ADGRG4: variants seen among roughly 807,000 people sequenced by gnomAD.
The protein encoded by ADGRG4 is adhesion G protein-coupled receptor G4, also known as G protein-coupled receptor 112.
ADGRG4 carries 122 observed loss-of-function variants against 126.2 expected under a neutral mutation model. That is an observed-to-expected ratio of 0.97 (90% CI 0.83 to 1.12). The LOEUF is 1.12. Ranked by LOEUF, ADGRG4 falls within the 50% of genes most tolerant of loss-of-function variation. The pLI, the probability that ADGRG4 is intolerant of heterozygous loss-of-function variation, is 0.00. For missense variants in ADGRG4, 2,481 were observed against 2,251.8 expected (o/e 1.10, Z -2.06); for synonymous variants, 943 against 838.7 (o/e 1.12, Z -2.15).
intron 23 of ADGRG4, among the ~76,000 whole-genome samples, chrX:136,409,203 G>C (rs920377145): frequency 8.9e-6 from 1 of 111,883 alleles, no homozygotes; most frequent in Non-Finnish European, 1.9e-5. Context: ...CTGTGGTCAA[G>C]TGGGAAAAAA....
intron 15 of ADGRG4, among the ~76,000 whole-genome samples, chrX:136,379,527 C>T (rs2075246987): frequency 9.5e-6 from 1 of 105,093 alleles, no homozygotes; most frequent in African/African-American, 3.5e-5. Flanking sequence ...CCTCTCCTCT[C>T]CCTCCCTCTC....
intron 3 of ADGRG4, chrX:136,306,076 C>T (rs1461866736): frequency 9.0e-6 from 1 of 111,710 alleles, no homozygotes; most frequent in Non-Finnish European, 1.9e-5. Context: ...CTGTTTAGTA[C>T]TTCTTTCATT....
intron 15 of ADGRG4, among the ~76,000 whole-genome samples, chrX:136,379,481 C>G (rs963368699): frequency 3.8e-5 from 4 of 104,834 alleles, no homozygotes; most frequent in Non-Finnish European, 2.0e-5. Flanking sequence ...TCTTCTCCTT[C>G]CCTCCTTTCT....
At chrX:136,323,520 A>G (rs946334830) in intron 5 of ADGRG4, 128 bp downstream of exon 5, 1 of 532,615 alleles carries the variant, frequency 1.9e-6, no homozygotes, top group Non-Finnish European at 3.0e-6. Flanking sequence ...GTTTTCTTTT[A>G]TCTTTATTTT....
Position 136,361,530 on chromosome X carries a change from C to T in ADGRG4, c.7220C>T (p.Thr2407Met), listed in dbSNP as rs149125737. ...TATAAGTGGCTATTAACCAACCCTA[C>T]GGAGACAGCCCAAACCAGATGCATA... is the stretch of plus-strand genomic sequence containing the variant. The part of the protein sequence containing the change: ...GTYKWLLTNP[T>M]ETAQTRCIKN... The change falls in exon 12 of 26, where the codon ACG becomes ATG. Residue 2407 changes from threonine (T) to methionine (M), a missense_variant. Thr to Met is a moderately conservative substitution (Grantham distance 81). Transcript: ENST00000394143. 1.6e-3 allele frequency: 1,918 copies of T among 1,187,940 alleles called. 15 individuals are homozygous for T. The African/African-American group carries it at 0.026, about 16-fold the overall frequency.
intron 5 of ADGRG4, among the ~76,000 whole-genome samples, chrX:136,327,288 G>C (rs2074879171): frequency 9.0e-6 from 1 of 110,870 alleles, no homozygotes; most frequent in Non-Finnish European, 1.9e-5. Flanking sequence ...TTTAAAAAGG[G>C]ATGGCACTGG....
Position 136,405,755 on chromosome X carries a change from T to A in ADGRG4, c.8718T>A (p.Phe2906Leu), listed in dbSNP as rs758694247. Residue 2906 changes from phenylalanine (F) to leucine (L), a missense_variant, in exon 23 of 26, where the codon TTT becomes TTA. Physicochemically the swap from Phe to Leu is conservative, Grantham distance 22 (BLOSUM62 0). Transcript: ENST00000394143. ...ISVVAYFCLIFLMNLSMFCTV... is the reference protein window; with the variant it reads ...ISVVAYFCLILLMNLSMFCTV... Reference sequence around the variant, plus strand: ...TGGTGGCTTATTTTTGCCTCATATTTCTCATGAATCTCTCCATGTTCTGCA... The same window carrying A: ...TGGTGGCTTATTTTTGCCTCATATTACTCATGAATCTCTCCATGTTCTGCA... The A allele has an allele frequency of 8.4e-7, 1 of 1,196,050 alleles. No individual in the cohort carries two copies. The highest frequency in any genetic ancestry group is 1.1e-6 in the Non-Finnish European group (1 of 885,119).
intron 4 of ADGRG4, among the ~76,000 whole-genome samples, chrX:136,314,129 T>C (rs1305636013): frequency 9.0e-6 from 1 of 110,791 alleles, no homozygotes; most frequent in Non-Finnish European, 1.9e-5. Flanking sequence ...GCTTCCGCCA[T>C]GGGCTGAGCC....
chrX:136,366,477 G>A (rs1483186153), intron 13 of ADGRG4, among the ~76,000 whole-genome samples: 2 of 112,253 alleles, frequency 1.8e-5, no homozygotes, highest in Non-Finnish European at 3.8e-5. Context: ...CTCTAACTAC[G>A]AATACAGCTA....
At chrX:136,350,557 G>A (rs1009942405) in intron 6 of ADGRG4, 124 bp downstream of exon 6, 3 of 634,877 alleles carry the variant, frequency 4.7e-6, no homozygotes, top group African/African-American at 4.4e-5. Context: ...GGTGTTTCTT[G>A]TCTCCTTCAG....
At chrX:136,371,681 G>A in intron 14 of ADGRG4, 137 bp downstream of exon 14, 1 of 404,646 alleles carries the variant, frequency 2.5e-6, no homozygotes, top group Non-Finnish European at 4.2e-6. Flanking sequence ...ATCTTGCGTC[G>A]ATACTGAACA....
intron 15 of ADGRG4, among the ~76,000 whole-genome samples, chrX:136,373,357 G>C (rs1308853484): frequency 1.8e-5 from 2 of 111,626 alleles, no homozygotes; most frequent in African/African-American, 3.3e-5. Context: ...GTTGGACATT[G>C]TGCTACTGCC....
intron 19 of ADGRG4, among the ~76,000 whole-genome samples, chrX:136,397,084 C>A (rs1324322311): frequency 9.0e-6 from 1 of 111,255 alleles, no homozygotes; most frequent in African/African-American, 3.3e-5. Context: ...CCACCCCGCC[C>A]GGCCCCAAAT....
At chrX:136,312,270 A>G (rs2074777112) in intron 4 of ADGRG4, among the ~76,000 whole-genome samples, 1 of 112,386 alleles carries the variant, frequency 8.9e-6, no homozygotes, top group Non-Finnish European at 1.9e-5. Flanking sequence ...AGAAGGTTTT[A>G]TTAGACAGCA....
intron 5 of ADGRG4, among the ~76,000 whole-genome samples, chrX:136,325,991 G>A (rs1192848533): frequency 4.5e-5 from 5 of 112,253 alleles, no homozygotes; most frequent in East Asian, 2.8e-4. Context: ...GATTACAGGC[G>A]TGAGCCAATG....
At chrX:136,369,973 A>G (rs973233673) in intron 13 of ADGRG4, among the ~76,000 whole-genome samples, 2 of 111,502 alleles carry the variant, frequency 1.8e-5, no homozygotes, top group African/African-American at 6.5e-5. Flanking sequence ...AAAAAAAGAG[A>G]ATAAAGAAAG....
In ADGRG4 at chrX:136,346,056, C is replaced by G. The variant is rs1287617088; in HGVS notation, c.2350C>G (p.Pro784Ala). The G allele has an allele frequency of 8.3e-7, 1 of 1,206,455 alleles. No homozygotes were observed. The highest frequency in any genetic ancestry group is 1.8e-5 in the South Asian group (1 of 56,214). Residue 784 changes from proline to alanine, a missense_variant, in exon 6 of 26, where the codon CCA becomes GCA. By Grantham distance (27) the Pro-to-Ala change is conservative. Coordinates refer to ENST00000394143, the MANE Select transcript of ADGRG4 (RefSeq NM_153834.4). ...TTTGACACCAAGGGAGACTGTTGTT[C>G]CATCAGTAGATATAATATCTACTCT... ...LPLTPRETVV[P>A]SVDIISTLAC...
chrX:136,312,945 A>T (rs1268159758), intron 4 of ADGRG4, among the ~76,000 whole-genome samples: 2 of 112,444 alleles, frequency 1.8e-5, no homozygotes, highest in Non-Finnish European at 3.8e-5. Context: ...TCCACTTTAC[A>T]CAATGTTTTC....
intron 4 of ADGRG4, among the ~76,000 whole-genome samples, chrX:136,309,950 T>C (rs1286323937): frequency 3.6e-5 from 4 of 111,152 alleles, no homozygotes; most frequent in African/African-American, 1.3e-4. Flanking sequence ...TTTCAACATC[T>C]GTATGGTGGT....
Sources: allele counts gnomAD v4.1 joint callset (sites outside exome capture counted in the v4.1 genomes callset), GRCh38; gene constraint gnomAD v4.1.1; transcripts MANE v1.5; gene names NCBI Gene and HGNC (gene_info 2026-07-23, HGNC 2026-07-21).